Variants in CTNNA2 observed in about 807,000 individuals in gnomAD.
The protein encoded by CTNNA2 is catenin alpha-2.
Under a neutral mutation model 101.0 loss-of-function variants are expected in CTNNA2, and 42 were observed. The observed-to-expected ratio is 0.42, with a 90% CI of 0.32 to 0.54. The LOEUF is 0.54. Ranked by LOEUF, CTNNA2 falls within the 20% of genes least tolerant of loss-of-function variation. The pLI, the probability that CTNNA2 is intolerant of heterozygous loss-of-function variation, is 0.14. For synonymous variants in CTNNA2, 450 were observed against 456.4 expected, an observed-to-expected ratio of 0.99 and a Z score of 0.18; for missense variants, 871 against 1,223.1, an observed-to-expected ratio of 0.71 and a Z score of 4.29.
At chr2:79,645,928 A>G (rs1023333588) in intron 1 of CTNNA2, among the ~76,000 whole-genome samples, 5 of 152,200 alleles carry the variant, frequency 3.3e-5, no homozygotes, top group African/African-American at 7.2e-5. Context: ...ATTTGTATCA[A>G]CTAAAGCTAG....
chr2:79,947,535 C>A (rs1229682426), intron 7 of CTNNA2, among the ~76,000 whole-genome samples: 1 of 152,062 alleles, frequency 6.6e-6, no homozygotes, highest in Non-Finnish European at 1.5e-5. Context: ...CAAAAAATAC[C>A]TAGGATTTGC....
chr2:80,162,917 G>A (rs1037998790), intron 7 of CTNNA2: 17 of 1,557,210 alleles, frequency 1.1e-5, no homozygotes, highest in African/African-American at 5.4e-5. Context: ...GAGTTGTGGA[G>A]GTAGGGCTTG....
At chr2:79,391,966 T>C (rs763008202) in intron 4 of CTNNA2, among the ~76,000 whole-genome samples, 3 of 152,152 alleles carry the variant, frequency 2.0e-5, no homozygotes, top group Non-Finnish European at 4.4e-5. Context: ...GTGCGCTCAC[T>C]TCCCTGGTGT....
chr2:79,972,557 G>A (rs1247068558), intron 7 of CTNNA2, among the ~76,000 whole-genome samples: 1 of 152,170 alleles, frequency 6.6e-6, no homozygotes, highest in Non-Finnish European at 1.5e-5. Context: ...ACACATGCAC[G>A]TCTTTACGTC....
chr2:80,292,473 T>C (rs1192944501), intron 7 of CTNNA2, among the ~76,000 whole-genome samples: 1 of 152,164 alleles, frequency 6.6e-6, no homozygotes, highest in Non-Finnish European at 1.5e-5. Flanking sequence ...AATACTACTC[T>C]GAACGAGGAG....
At chr2:79,413,102 T>C (rs1000173782) in intron 4 of CTNNA2, among the ~76,000 whole-genome samples, 1 of 152,042 alleles carries the variant, frequency 6.6e-6, no homozygotes, top group Non-Finnish European at 1.5e-5. Context: ...CCCCAACCTC[T>C]GGTAACCACA....
chr2:79,877,174 A>G (rs1314791782), intron 6 of CTNNA2, among the ~76,000 whole-genome samples: 1 of 152,112 alleles, frequency 6.6e-6, no homozygotes, highest in East Asian at 1.9e-4. Flanking sequence ...AATTACATAA[A>G]GCGTTATCTA....
chr2:79,459,899 A>G (rs1284804336), intron 4 of CTNNA2, among the ~76,000 whole-genome samples: 1 of 152,154 alleles, frequency 6.6e-6, no homozygotes, highest in Non-Finnish European at 1.5e-5. Flanking sequence ...TTTTTAAACA[A>G]CAGTCTAAAA....
At chr2:80,124,395 C>T (rs980391356) in intron 7 of CTNNA2, among the ~76,000 whole-genome samples, 15 of 152,084 alleles carry the variant, frequency 9.9e-5, no homozygotes, top group African/African-American at 3.6e-4. Context: ...CTTTTTGTCC[C>T]CATTTTACCA....
chr2:80,028,926 C>A (rs1238083392), intron 7 of CTNNA2, among the ~76,000 whole-genome samples: 1 of 152,218 alleles, frequency 6.6e-6, no homozygotes, highest in Non-Finnish European at 1.5e-5. Context: ...TTTTGGAATT[C>A]TGACCTCTGG....
intron 9 of CTNNA2, among the ~76,000 whole-genome samples, chr2:80,465,032 GCGT>G (rs376666711): frequency 4.6e-4 from 70 of 152,246 alleles, no homozygotes; most frequent in African/African-American, 1.5e-3. Context: ...CAAAAGATAT[GCGT>G]CTTCATTCAC....
chr2:79,864,081 G>A (rs1204878549), intron 4 of CTNNA2, among the ~76,000 whole-genome samples: 1 of 152,168 alleles, frequency 6.6e-6, no homozygotes, highest in Admixed American at 6.5e-5. Context: ...CTTAACATCA[G>A]GCCAACTGGG....
chr2:79,333,997 A>G (rs2104421057), intron 3 of CTNNA2, among the ~76,000 whole-genome samples: 1 of 152,268 alleles, frequency 6.6e-6, no homozygotes, highest in Non-Finnish European at 1.5e-5. Flanking sequence ...ACTGTGTGAT[A>G]TTTTGATACA....
intron 2 of CTNNA2, among the ~76,000 whole-genome samples, chr2:79,285,274 G>C (rs1675535552): frequency 6.7e-6 from 1 of 150,222 alleles, no homozygotes. Context: ...TCTGATTTTA[G>C]TTATTTCTTG....
intron 7 of CTNNA2, among the ~76,000 whole-genome samples, chr2:80,246,257 A>G (rs1442145788): frequency 2.0e-5 from 3 of 152,170 alleles, no homozygotes; most frequent in African/African-American, 4.8e-5. Context: ...AATTTATTTA[A>G]TGGGGCTGGG....
chr2:80,527,225 T>A (rs1690123297), intron 9 of CTNNA2, among the ~76,000 whole-genome samples: 1 of 152,218 alleles, frequency 6.6e-6, no homozygotes, highest in Non-Finnish European at 1.5e-5. Flanking sequence ...TGAGGATAAT[T>A]TTTTAAAAAG....
upstream of CTNNA2, among the ~76,000 whole-genome samples, chr2:79,509,976 G>A (rs1344062720): frequency 6.6e-6 from 1 of 152,168 alleles, no homozygotes; most frequent in Non-Finnish European, 1.5e-5. Context: ...AATTTCTGGA[G>A]CTGACAGACT....
chr2:80,093,829 T>G (rs1271151110), intron 7 of CTNNA2, among the ~76,000 whole-genome samples: 1 of 152,234 alleles, frequency 6.6e-6, no homozygotes, highest in East Asian at 1.9e-4. Flanking sequence ...GTTGATATCC[T>G]TCACCCACTT....
chr2:79,659,468 T>G (rs1217500451), intron 2 of CTNNA2, among the ~76,000 whole-genome samples: 1 of 152,146 alleles, frequency 6.6e-6, no homozygotes, highest in Non-Finnish European at 1.5e-5. Flanking sequence ...TGCATGCATT[T>G]TTGTCAAAGA....
Sources: allele counts gnomAD v4.1 joint callset (sites outside exome capture counted in the v4.1 genomes callset), GRCh38; gene constraint gnomAD v4.1.1; transcripts MANE v1.5; gene names NCBI Gene and HGNC (gene_info 2026-07-23, HGNC 2026-07-21).